ESR1: variants seen among roughly 807,000 people sequenced by gnomAD.
ESR1 encodes estrogen receptor 1, also known as estrogen receptor.
Under a neutral mutation model 52.7 loss-of-function variants are expected in ESR1, and 12 were observed. That is an observed-to-expected ratio of 0.23 (90% CI 0.15 to 0.37). The LOEUF (loss-of-function observed/expected upper bound fraction) is 0.37, where lower values mean the gene tolerates loss of function less well. Ranked by LOEUF, ESR1 falls within the 10% of genes least tolerant of loss-of-function variation. ESR1 has a pLI of 1.00. For missense variants in ESR1, 584 were observed against 779.7 expected (o/e 0.75, Z 2.99); for synonymous variants, 305 against 316.8 (o/e 0.96, Z 0.39).
chr6:151,681,296 G>C (rs946130240), intron 1 of ESR1, among the ~76,000 whole-genome samples: 81 of 152,282 alleles, frequency 5.3e-4, no homozygotes, highest in African/African-American at 1.9e-3. Context: ...TTGCGCTGGA[G>C]TGTGAACAGG....
intron 6 of ESR1, among the ~76,000 whole-genome samples, chr6:152,062,752 C>A (rs1473751295): frequency 1.3e-5 from 2 of 152,124 alleles, no homozygotes; most frequent in Admixed American, 6.5e-5. Context: ...GAAGGCAGGC[C>A]TATTAAGTGT....
rs75021064 is a variant in ESR1, at chr6:151,948,381, C to T, written c.1096+3873C>T. Among the ~76,000 whole-genome samples the T allele has an allele frequency of 2.1e-3, 320 of 152,182 alleles. 1 individual carries two copies. Among genetic ancestry groups the T allele is most frequent in the East Asian group, 0.011 (56 of 5,172 alleles). On this transcript the variant is annotated intron_variant, in intron 4 of 7. Coordinates refer to ENST00000206249, the MANE Select transcript of ESR1 (RefSeq NM_000125.4). ...TATGAAGATTTGGATAGATATCTAG[C>T]CCTGAGTTTTTTATTGCCTGTTAAA...
chr6:152,039,128 C>T (rs2045575251), intron 5 of ESR1, among the ~76,000 whole-genome samples: 1 of 152,202 alleles, frequency 6.6e-6, no homozygotes, highest in Non-Finnish European at 1.5e-5. Flanking sequence ...TGACTACCTT[C>T]TTCTACAACC....
At chr6:152,008,028 T>C (rs895876273) in intron 4 of ESR1, among the ~76,000 whole-genome samples, 3 of 152,096 alleles carry the variant, frequency 2.0e-5, no homozygotes, top group Admixed American at 2.0e-4. Flanking sequence ...CCCAATATAA[T>C]TTTGCATGTG....
intron 4 of ESR1, among the ~76,000 whole-genome samples, chr6:151,976,100 C>T (rs2039410814): frequency 6.6e-6 from 1 of 151,942 alleles, no homozygotes; most frequent in South Asian, 2.1e-4. Context: ...CTTTTACCAG[C>T]CCCAGACCTG....
intron 6 of ESR1, among the ~76,000 whole-genome samples, chr6:152,120,807 C>T (rs183187317): frequency 1.3e-5 from 2 of 152,288 alleles, no homozygotes; most frequent in African/African-American, 4.8e-5. Flanking sequence ...TTGAGATGGA[C>T]TCAGACTACC....
intron 3 of ESR1, among the ~76,000 whole-genome samples, chr6:151,883,379 C>G (rs913047233): frequency 2.6e-5 from 4 of 152,046 alleles, no homozygotes; most frequent in Non-Finnish European, 1.5e-5. Context: ...CCGCCCACCT[C>G]GGCTTCCTAA....
chr6:151,908,586 C>A (rs986656445), intron 3 of ESR1, among the ~76,000 whole-genome samples: 1 of 152,124 alleles, frequency 6.6e-6, no homozygotes, highest in African/African-American at 2.4e-5. Context: ...TCTTCTCACT[C>A]GTTGCTTAAA....
chr6:152,009,475 G>T (rs549661189), intron 4 of ESR1, among the ~76,000 whole-genome samples: 6 of 152,178 alleles, frequency 3.9e-5, no homozygotes, highest in African/African-American at 1.4e-4. Context: ...GAAAAGATGT[G>T]CAACCTTATT....
intron 1 of ESR1, among the ~76,000 whole-genome samples, chr6:151,679,645 C>T (rs2115289784): frequency 6.6e-6 from 1 of 152,300 alleles, no homozygotes; most frequent in Non-Finnish European, 1.5e-5. Flanking sequence ...AAAGTAAAAG[C>T]CAACCCCTTT....
At chr6:152,047,491 T>C (rs745950410) in intron 5 of ESR1, among the ~76,000 whole-genome samples, 1 of 152,196 alleles carries the variant, frequency 6.6e-6, no homozygotes, top group Non-Finnish European at 1.5e-5. Context: ...TCAATGGCCA[T>C]GATGGAGCCT....
chr6:152,099,948 G>A lies in ESR1; in HGVS notation c.*982G>A, dbSNP rs149767921. ...GGTAAATGGTAGTTGAAAGGAGCAG[G>A]GGCCCTGGTGTTGCATTTAGCCCTG... On this transcript the variant is annotated 3_prime_UTR_variant, in exon 8 of 8. Coordinates refer to ENST00000206249, the MANE Select transcript of ESR1 (RefSeq NM_000125.4). 7.9e-4 allele frequency: 317 copies of A among 398,950 alleles called. 1 individual carries two copies. The highest frequency in any genetic ancestry group is 5.8e-3 in the African/African-American group (285 of 48,736). The allele number at this position is 398,950 out of a possible 1,614,324, so 24.7% of individuals were successfully genotyped here. A position where few individuals can be genotyped will look rare whatever the true frequency, so the allele number is the denominator to read the frequency against.
chr6:151,919,671 A>C (rs1205873117), intron 3 of ESR1, among the ~76,000 whole-genome samples: 1 of 152,180 alleles, frequency 6.6e-6, no homozygotes, highest in East Asian at 1.9e-4. Context: ...GTGTCAGCGG[A>C]TATTTTAGTT....
intron 1 of ESR1, chr6:151,809,300 C>T (rs1208534614): frequency 2.9e-6 from 1 of 345,404 alleles, no homozygotes; most frequent in African/African-American, 2.2e-5. Flanking sequence ...AATTTTTTTC[C>T]CTACAAGAAT....
At chr6:151,903,035 G>A (rs527908522) in intron 3 of ESR1, among the ~76,000 whole-genome samples, 4 of 152,188 alleles carry the variant, frequency 2.6e-5, no homozygotes, top group African/African-American at 9.6e-5. Context: ...GTTTTTTCAG[G>A]CATTGTCTCC....
At chr6:151,753,823 C>T (rs1784083019) in intron 2 of ESR1, among the ~76,000 whole-genome samples, 1 of 152,214 alleles carries the variant, frequency 6.6e-6, no homozygotes, top group Non-Finnish European at 1.5e-5. Flanking sequence ...GTTCCCCAGC[C>T]TCCAGCTTCT....
intron 3 of ESR1, among the ~76,000 whole-genome samples, chr6:151,882,049 T>C (rs1037367124): frequency 2.0e-5 from 3 of 152,172 alleles, no homozygotes; most frequent in Non-Finnish European, 4.4e-5. Context: ...GAGGTGAAGC[T>C]TGGGGTGATT....
At chr6:151,965,706 A>G (rs533087799) in intron 4 of ESR1, among the ~76,000 whole-genome samples, 18 of 152,250 alleles carry the variant, frequency 1.2e-4, no homozygotes, top group Non-Finnish European at 2.5e-4. Context: ...AACTTTGGAC[A>G]TATCTATTGG....
At chr6:151,904,105 A>C (rs943481388) in intron 3 of ESR1, among the ~76,000 whole-genome samples, 2 of 152,246 alleles carry the variant, frequency 1.3e-5, no homozygotes, top group Admixed American at 6.5e-5. Flanking sequence ...TATCACAACC[A>C]TAATATCATA....
Sources: gnomAD v4.1 joint callset for allele counts (sites outside exome capture counted in the v4.1 genomes callset) on GRCh38, gnomAD v4.1.1 for gene constraint, MANE v1.5 for transcripts, NCBI Gene and HGNC (gene_info 2026-07-23, HGNC 2026-07-21) for gene names.